The following UGT1A8 variants were observed in gnomAD, a reference collection of about 807,000 sequenced individuals.
UGT1A8 encodes the protein UDP-glucuronosyltransferase 1A8.
UGT1A8 carries 39 observed loss-of-function variants against 45.3 expected under a neutral mutation model. The ratio of observed to expected loss-of-function variants is 0.86; its 90% CI spans 0.67 to 1.12. The LOEUF (loss-of-function observed/expected upper bound fraction) is 1.12, where lower values mean the gene tolerates loss of function less well. Among genes scored for constraint, UGT1A8 ranks in the 50% most tolerant of loss-of-function variants. UGT1A8 has a pLI of 0.00. For missense variants in UGT1A8, 719 were observed against 664.9 expected (o/e 1.08, Z -0.90); for synonymous variants, 275 against 249.2 (o/e 1.10, Z -0.97).
In UGT1A8 at chr2:233,641,555, A is replaced by G. The variant is rs184011634; in HGVS notation, c.855+22993A>G. 5.3e-5 allele frequency among the ~76,000 whole-genome samples: 8 copies of G among 152,284 alleles called. No individual in the cohort carries two copies. In the East Asian group the frequency reaches 1.4e-3, roughly 26 times the overall value. On this transcript the variant is annotated intron_variant, in intron 1 of 4. Coordinates refer to ENST00000373450, the MANE Select transcript of UGT1A8 (RefSeq NM_019076.5). ...ACAGTAGTTTGCACACACAGTTACA[A>G]TGTTATAATATTCTGTGTATTTCTG...
Position 233,637,215 on chromosome 2 carries a change from C to G in UGT1A8, c.855+18653C>G. On this transcript the variant is annotated intron_variant, in intron 1 of 4. Transcript: ENST00000373450. The stretch of plus-strand genomic sequence containing the variant: ...TTTTTAGAAATGCCCTAGAAATAGC[C>G]TCTGAAATTCTCCAAACCCCTGTCA... The G allele has an allele frequency of 2.5e-6, 4 of 1,613,778 alleles. No individual in the cohort carries two copies. In the South Asian group the frequency reaches 4.4e-5, roughly 18 times the overall value.
At chr2:233,649,686 C>G (rs1308127795) in intron 1 of UGT1A8, among the ~76,000 whole-genome samples, 2 of 152,114 alleles carry the variant, frequency 1.3e-5, no homozygotes, top group Admixed American at 6.5e-5. Context: ...CAAGCTTTCC[C>G]AGGTGTTTTT....
chr2:233,678,778 T>A (rs912821859), intron 1 of UGT1A8, among the ~76,000 whole-genome samples: 2 of 152,200 alleles, frequency 1.3e-5, no homozygotes, highest in Non-Finnish European at 2.9e-5. Flanking sequence ...ATTGATTCCC[T>A]GAGTGTGGCA....
chr2:233,752,243 C>G (rs777804991), intron 1 of UGT1A8: 1 of 152,156 alleles, frequency 6.6e-6, no homozygotes, highest in Non-Finnish European at 1.5e-5. Context: ...TTTTTGGACC[C>G]TACTGTGATG....
At chr2:233,634,478 T>C (rs2073242959) in intron 1 of UGT1A8, among the ~76,000 whole-genome samples, 1 of 152,172 alleles carries the variant, frequency 6.6e-6, no homozygotes. Flanking sequence ...ACTTGCTTTA[T>C]GGGTGCTCCT....
intron 1 of UGT1A8, among the ~76,000 whole-genome samples, chr2:233,695,282 T>C (rs890581828): frequency 7.9e-5 from 12 of 151,958 alleles, no homozygotes; most frequent in Non-Finnish European, 8.8e-5. Flanking sequence ...TGTGCCACCA[T>C]TCCCAGCTAA....
intron 1 of UGT1A8, among the ~76,000 whole-genome samples, chr2:233,647,254 G>A (rs2073629541): frequency 6.6e-6 from 1 of 152,112 alleles, no homozygotes; most frequent in Non-Finnish European, 1.5e-5. Context: ...GCTTTGGGTG[G>A]GGACACAGCC....
At chr2:233,672,564 C>T (rs2074231048) in intron 1 of UGT1A8, 2 of 1,613,846 alleles carry the variant, frequency 1.2e-6, no homozygotes, top group Non-Finnish European at 1.7e-6. Flanking sequence ...TACGGAACCA[C>T]ATCATGCACT....
chr2:233,724,239 G>A, intron 1 of UGT1A8, among the ~76,000 whole-genome samples: 1 of 128,664 alleles, frequency 7.8e-6, no homozygotes, highest in African/African-American at 3.1e-5. Context: ...GGGCGGCCGG[G>A]CAGAGGCGCC....
intron 1 of UGT1A8, among the ~76,000 whole-genome samples, chr2:233,669,933 C>T (rs1459666579): frequency 1.3e-5 from 2 of 152,142 alleles, no homozygotes; most frequent in African/African-American, 2.4e-5. Flanking sequence ...GATACGCCCA[C>T]CTTGACCTCC....
At position 233,744,394 on chromosome 2, in the gene UGT1A8, G is replaced by A. The variant is rs528448877; in HGVS notation, c.856-22640G>A. On this transcript the variant is annotated intron_variant, in intron 1 of 4. Coordinates refer to ENST00000373450, the MANE Select transcript of UGT1A8 (RefSeq NM_019076.5). ...TGCAGTTCTCCAACGTTCCAGCCCC[G>A]GTGCCCATTTGCTTTTGTTCATGTG... is the stretch of plus-strand genomic sequence containing the variant. 5.9e-5 allele frequency among the ~76,000 whole-genome samples: 9 copies of A among 151,928 alleles called. No homozygotes were observed. The South Asian group carries it at 6.2e-4, about 11-fold the overall frequency.
chr2:233,639,714 G>T (rs28969690), intron 1 of UGT1A8, among the ~76,000 whole-genome samples: 67 of 152,326 alleles, frequency 4.4e-4, no homozygotes, highest in African/African-American at 1.2e-3. Context: ...GAGAATTACA[G>T]CCAGGGATGT....
intron 1 of UGT1A8, among the ~76,000 whole-genome samples, chr2:233,724,293 C>T (rs1226718888): frequency 6.7e-5 from 9 of 135,040 alleles, no homozygotes; most frequent in East Asian, 2.4e-4. Context: ...GGGGGCTGAC[C>T]CCCCCACCTC....
chr2:233,772,614 C>A lies in UGT1A8; in HGVS notation c.*55C>A, dbSNP rs1700539224. On this transcript the variant is annotated 3_prime_UTR_variant, in exon 5 of 5. Transcript: ENST00000373450. ...GAACCATTCCCTAGTCATTTCCAAA[C>A]TTGAAAACAGAATCAGTGTTAAATT... The A allele has an allele frequency of 3.2e-6, 5 of 1,575,710 alleles. No homozygotes were observed. The highest frequency in any genetic ancestry group is 4.3e-6 in the Non-Finnish European group (5 of 1,159,842).
At chr2:233,742,882 C>A (rs1692122938) in intron 1 of UGT1A8, 1 of 164,914 alleles carries the variant, frequency 6.1e-6, no homozygotes, top group Non-Finnish European at 1.3e-5. Flanking sequence ...ACCTGGCTCA[C>A]ACTTTCCCAA....
At chr2:233,652,774 A>C (rs570538029) in intron 1 of UGT1A8, among the ~76,000 whole-genome samples, 1 of 152,224 alleles carries the variant, frequency 6.6e-6, no homozygotes, top group Non-Finnish European at 1.5e-5. Context: ...CCACATGCAA[A>C]AGAATGAAGA....
intron 1 of UGT1A8, among the ~76,000 whole-genome samples, chr2:233,712,452 G>C (rs1320297061): frequency 1.3e-5 from 2 of 152,216 alleles, no homozygotes; most frequent in African/African-American, 2.4e-5. Flanking sequence ...ACCAAAACCA[G>C]ATAGCCAGCC....
chr2:233,747,025 G>A (rs1332207172), intron 1 of UGT1A8, among the ~76,000 whole-genome samples: 1 of 151,910 alleles, frequency 6.6e-6, no homozygotes. Flanking sequence ...GGTCTTTCCC[G>A]AAGTGGGACC....
At position 233,749,056 on chromosome 2, in the gene UGT1A8, A is replaced by T. The variant is rs140417619; in HGVS notation, c.856-17978A>T. Among the ~76,000 whole-genome samples, 122 of 151,804 alleles carry T rather than the reference A, an allele frequency of 8.0e-4. 1 individual carries two copies. Among genetic ancestry groups the T allele is most frequent in the African/African-American group, 2.8e-3 (116 of 41,130 alleles). On this transcript the variant is annotated intron_variant, in intron 1 of 4. Transcript: ENST00000373450. ...CATTGATGTGGTACTCTGGGACCTG[A>T]ATATTGTTTCTTATTCCTTGGTGTG... is the stretch of plus-strand genomic sequence containing the variant.
Sources: gnomAD v4.1 joint callset for allele counts (sites outside exome capture counted in the v4.1 genomes callset) on GRCh38, gnomAD v4.1.1 for gene constraint, MANE v1.5 for transcripts, NCBI Gene and HGNC (gene_info 2026-07-23, HGNC 2026-07-21) for gene names.